EIF4EBP1: variants seen among roughly 807,000 people sequenced by gnomAD.
EIF4EBP1 encodes eukaryotic translation initiation factor 4E-binding protein 1.
Under a neutral mutation model 9.2 loss-of-function variants are expected in EIF4EBP1, and 5 were observed. That is an observed-to-expected ratio of 0.54 (90% confidence interval 0.28 to 1.14). The LOEUF (loss-of-function observed/expected upper bound fraction) is 1.14. Among genes scored for constraint, EIF4EBP1 ranks in the 50% most tolerant of loss-of-function variants. EIF4EBP1 has a pLI of 0.09. For missense variants in EIF4EBP1, 139 were observed against 169.6 expected, an observed-to-expected ratio of 0.82 and a Z score of 1.00; for synonymous variants, 62 against 67.0, an observed-to-expected ratio of 0.93 and a Z score of 0.36.
At position 38,059,923 on chromosome 8, in the gene EIF4EBP1, G is replaced by C; in HGVS notation, c.345G>C (p.Glu115Asp). The C allele has an allele frequency of 6.2e-7, 1 of 1,614,252 alleles. No homozygotes were observed. The highest frequency in any genetic ancestry group is 8.5e-7 in the Non-Finnish European group (1 of 1,180,044). The change falls in exon 3 of 3, where the codon GAG becomes GAC. Residue 115 changes from glutamate to aspartate, a missense_variant. Coordinates refer to ENST00000338825, the MANE Select transcript of EIF4EBP1 (RefSeq NM_004095.4). Reference sequence around the variant, plus strand: ...CCCCAGGTGAAGAGTCACAGTTTGAGATGGACATTTAAAGCACCAGCCATC... The same window carrying C: ...CCCCAGGTGAAGAGTCACAGTTTGACATGGACATTTAAAGCACCAGCCATC... ...KRAGGEESQF[E>D]MDI
chr8:38,053,163 G>A (rs1809549088), intron 1 of EIF4EBP1, among the ~76,000 whole-genome samples: 1 of 151,992 alleles, frequency 6.6e-6, no homozygotes, highest in Non-Finnish European at 1.5e-5. Flanking sequence ...GATTACAGGG[G>A]TGTGCCACCA....
At chr8:38,055,115 G>A (rs1032327353) in intron 1 of EIF4EBP1, among the ~76,000 whole-genome samples, 2 of 152,122 alleles carry the variant, frequency 1.3e-5, no homozygotes, top group African/African-American at 4.8e-5. Context: ...CAGACTAGAG[G>A]AACACAGCCA....
At chr8:38,047,455 A>C (rs975272325) in intron 1 of EIF4EBP1, 2 of 150,046 alleles carry the variant, frequency 1.3e-5, no homozygotes, top group African/African-American at 4.9e-5. Flanking sequence ...AGTTCATGGG[A>C]GTTAAGGTGT....
At chr8:38,054,828 A>G (rs968907356) in intron 1 of EIF4EBP1, among the ~76,000 whole-genome samples, 1 of 152,226 alleles carries the variant, frequency 6.6e-6, no homozygotes, top group Non-Finnish European at 1.5e-5. Context: ...ATCTGGGCTC[A>G]TAGGCACTCA....
chr8:38,033,882 G>A (rs1322558992), intron 1 of EIF4EBP1, among the ~76,000 whole-genome samples: 1 of 151,884 alleles, frequency 6.6e-6, no homozygotes. Context: ...AAGTAGCTGG[G>A]ACTACAGGCG....
In EIF4EBP1 at chr8:38,060,079, CAGG is replaced by C; in HGVS notation, c.*145_*147del. The C allele has an allele frequency of 2.6e-6, 2 of 777,610 alleles. No homozygotes were observed. The allele number at this position is 777,610 out of a possible 1,614,324, so 48.2% of individuals were successfully genotyped here. ...ACACCCCAGCCCTTTCTCCCTCACT[CAGG>C]GCACCTGCCCCCTCCTCTTCGTGAA... On this transcript the variant is annotated 3_prime_UTR_variant, in exon 3 of 3. Transcript: ENST00000338825.
intron 2 of EIF4EBP1, 96 bp from the exon 3 acceptor site, chr8:38,059,808 C>A: frequency 8.9e-7 from 1 of 1,122,584 alleles, no homozygotes; most frequent in South Asian, 1.4e-5. Context: ...ATAAATTACC[C>A]AACCTCAGGT....
intron 1 of EIF4EBP1, among the ~76,000 whole-genome samples, chr8:38,054,113 G>A (rs1311566919): frequency 1.3e-5 from 2 of 152,124 alleles, no homozygotes; most frequent in South Asian, 2.1e-4. Context: ...GCTTCTTTGA[G>A]ACTGTTGAAT....
intron 2 of EIF4EBP1, 85 bp downstream of exon 2, chr8:38,057,345 G>A (rs1016023483): frequency 1.5e-5 from 22 of 1,473,374 alleles, no homozygotes; most frequent in African/African-American, 2.8e-5. Flanking sequence ...GGCAATTCCA[G>A]GGAGGAGGAA....
chr8:38,051,857 A>G (rs1470358077), intron 1 of EIF4EBP1, among the ~76,000 whole-genome samples: 5 of 152,132 alleles, frequency 3.3e-5, no homozygotes. Context: ...TCGGCCTCCC[A>G]AAGTGCTGGG....
Position 38,059,855 on chromosome 8 carries a change from C to T in EIF4EBP1, c.326-49C>T, listed in dbSNP as rs762489776. 5 of 1,559,046 alleles carry T rather than the reference C, an allele frequency of 3.2e-6. No homozygotes were observed. In the African/African-American group the frequency reaches 6.8e-5, roughly 21 times the overall value. ...GCAATGAAAGAATGGCCTCATATAC[C>T]AAGCATTCACCCATTGTTGACCTGG... On this transcript the variant is annotated intron_variant, in intron 2 of 2. Transcript: ENST00000338825.
chr8:38,030,773 G>T, intron 1 of EIF4EBP1, 55 bp downstream of exon 1: 2 of 1,374,068 alleles, frequency 1.5e-6, no homozygotes, highest in Non-Finnish European at 1.9e-6. Context: ...CGGGAGGATC[G>T]GGAATCGCGG....
In EIF4EBP1 at chr8:38,057,224, C is replaced by T; in HGVS notation, c.289C>T (p.His97Tyr). Residue 97 changes from histidine to tyrosine, a missense_variant, in exon 2 of 3, where the codon CAC becomes TAC. Coordinates refer to ENST00000338825, the MANE Select transcript of EIF4EBP1 (RefSeq NM_004095.4). ...GCCCCCCATGGAAGCCAGCCAGAGC[C>T]ACCTGCGCAATAGCCCAGAAGATAA... ...DEPPMEASQS[H>Y]LRNSPEDKRA... 1.2e-6 allele frequency: 2 copies of T among 1,613,876 alleles called. No homozygotes were observed. The highest frequency in any genetic ancestry group is 1.7e-6 in the Non-Finnish European group (2 of 1,179,900).
At chr8:38,052,912 C>G (rs1809544665) in intron 1 of EIF4EBP1, among the ~76,000 whole-genome samples, 2 of 152,328 alleles carry the variant, frequency 1.3e-5, no homozygotes, top group South Asian at 4.1e-4. Context: ...CAACTGAAAT[C>G]TCTGCTTTTA....
At chr8:38,044,328 C>T (rs1028729798) in intron 1 of EIF4EBP1, among the ~76,000 whole-genome samples, 2 of 152,178 alleles carry the variant, frequency 1.3e-5, no homozygotes, top group Non-Finnish European at 2.9e-5. Context: ...TATGGGGAAG[C>T]GCTCAAGGCA....
At chr8:38,037,818 G>T (rs959836475) in intron 1 of EIF4EBP1, among the ~76,000 whole-genome samples, 1 of 151,972 alleles carries the variant, frequency 6.6e-6, no homozygotes, top group Admixed American at 6.6e-5. Flanking sequence ...CTCTGTTGCA[G>T]GTTGGAGTAC....
intron 1 of EIF4EBP1, among the ~76,000 whole-genome samples, chr8:38,035,763 G>T (rs566559906): frequency 9.9e-5 from 15 of 151,984 alleles, no homozygotes; most frequent in Non-Finnish European, 1.6e-4. Flanking sequence ...AGGCTGGAGT[G>T]CAATGGTGCG....
intron 1 of EIF4EBP1, among the ~76,000 whole-genome samples, chr8:38,031,891 T>C (rs1225901230): frequency 6.6e-6 from 1 of 152,184 alleles, no homozygotes; most frequent in Non-Finnish European, 1.5e-5. Flanking sequence ...GGACAAGAAA[T>C]AGCAACCAGG....
intron 1 of EIF4EBP1, among the ~76,000 whole-genome samples, chr8:38,045,684 A>G (rs181762074): frequency 2.0e-5 from 3 of 152,230 alleles, no homozygotes; most frequent in Admixed American, 2.0e-4. Context: ...CAGCCTGGGC[A>G]GCAGACCGAG....
Sources: allele counts gnomAD v4.1 joint callset (sites outside exome capture counted in the v4.1 genomes callset), GRCh38; gene constraint gnomAD v4.1.1; transcripts MANE v1.5; gene names NCBI Gene and HGNC (gene_info 2026-07-23, HGNC 2026-07-21).